The following STAB2 variants were observed in gnomAD, a reference collection of about 807,000 sequenced individuals.
STAB2 encodes stabilin 2, also known as stabilin-2.
A neutral mutation model predicts 338.1 loss-of-function variants in STAB2; 288 were observed. The ratio of observed to expected loss-of-function variants is 0.85; its 90% confidence interval spans 0.77 to 0.94. The LOEUF (loss-of-function observed/expected upper bound fraction) is 0.94, where lower values mean the gene tolerates loss of function less well. STAB2 is among the 40% of genes least tolerant of loss of function. The probability of loss-of-function intolerance (pLI) is 0.00; values close to 1 mark genes in which losing one functional copy is unlikely to be tolerated. For missense variants in STAB2, 3,141 were observed against 3,210.1 expected, an observed-to-expected ratio of 0.98 and a Z score of 0.52; for synonymous variants, 1,202 against 1,193.3, an observed-to-expected ratio of 1.01 and a Z score of -0.15.
At chr12:103,601,484 C>T (rs559242398) in intron 3 of STAB2, among the ~76,000 whole-genome samples, 3 of 152,198 alleles carry the variant, frequency 2.0e-5, no homozygotes, top group South Asian at 4.2e-4. Context: ...CCAAGCTACT[C>T]GGGAGGCTGA....
chr12:103,735,378 T>C (rs1464296349), intron 51 of STAB2, 113 bp from the exon 52 acceptor site: 3 of 603,836 alleles, frequency 5.0e-6, no homozygotes, highest in Non-Finnish European at 8.5e-6. Flanking sequence ...CTAAAGTTAT[T>C]ATAACTCGTG....
rs759722902 is a variant in STAB2, at chr12:103,648,707, G to T, written c.1058G>T (p.Gly353Val). The change falls in exon 10 of 69, where the codon GGT becomes GTT. Residue 353 changes from glycine (G) to valine (V), a missense_variant. Transcript: ENST00000388887. ...PGRTECICQK[G>V]YVGDGLTCYG... ...CTCTGTAGATGCATTTGCCAGAAAG[G>T]TTACGTGGGTGATGGCTTAACGTGT... is the stretch of plus-strand genomic sequence containing the variant. The T allele has an allele frequency of 3.1e-6, 5 of 1,613,932 alleles. No homozygotes were observed. The highest frequency in any genetic ancestry group is 1.3e-5 in the African/African-American group (1 of 74,920).
chr12:103,753,000 C>G (rs1593338843), intron 60 of STAB2, among the ~76,000 whole-genome samples: 1 of 152,288 alleles, frequency 6.6e-6, no homozygotes, highest in East Asian at 1.9e-4. Flanking sequence ...TTTTACTTTT[C>G]TGTATTGCCC....
intron 61 of STAB2, chr12:103,755,095 G>A: frequency 1.7e-6 from 1 of 605,148 alleles, no homozygotes; most frequent in Non-Finnish European, 2.9e-6. Flanking sequence ...GCACCTACAA[G>A]AAAGAGAGGA....
In STAB2 at chr12:103,737,891, CTA is replaced by C. The variant is rs1236604799; in HGVS notation, c.5697+112_5697+113del. 2.8e-6 allele frequency: 4 copies of C among 1,411,882 alleles called. No individual in the cohort carries two copies. The Admixed American group carries it at 1.0e-4, about 36-fold the overall frequency. The allele number at this position is 1,411,882 out of a possible 1,614,324, so 87.5% of individuals were successfully genotyped here. ...CATTAAGGGCCTGTCCTCAGCAAGA[CTA>C]GGACCCAGAAGACCTGAGGGCCAAA... On this transcript the variant is annotated intron_variant, in intron 53 of 68. Coordinates refer to ENST00000388887, the MANE Select transcript of STAB2 (RefSeq NM_017564.10).
chr12:103,613,045 G>C (rs761122641), intron 3 of STAB2, among the ~76,000 whole-genome samples: 11 of 152,204 alleles, frequency 7.2e-5, no homozygotes, highest in Non-Finnish European at 1.2e-4. Flanking sequence ...TGTTCCTCTA[G>C]AAGTTTTGTC....
Position 103,737,631 on chromosome 12 carries a change from T to C in STAB2, c.5551-3T>C, listed in dbSNP as rs761763500. On this transcript the variant is annotated splice_polypyrimidine_tract_variant and splice_region_variant and intron_variant, in intron 52 of 68. Transcript: ENST00000388887. ...CTTTTTTTTTTTTTTTTTTCTTTCTTAGGGTGACCTCTTTCTGAATGGCCA... is the reference window on the plus strand; with the variant it reads ...CTTTTTTTTTTTTTTTTTTCTTTCTCAGGGTGACCTCTTTCTGAATGGCCA... The C allele has an allele frequency of 7.3e-7, 1 of 1,362,078 alleles. No individual in the cohort carries two copies. The highest frequency in any genetic ancestry group is 1.2e-5 in the South Asian group (1 of 81,722). The allele number at this position is 1,362,078 out of a possible 1,614,324, so 84.4% of individuals were successfully genotyped here.
chr12:103,748,914 A>C (rs1482663546), intron 58 of STAB2, 49 bp from the exon 59 acceptor site: 1 of 1,574,438 alleles, frequency 6.4e-7, no homozygotes, highest in African/African-American at 1.3e-5. Context: ...CTGAAGCCCT[A>C]GTTCCACAGA....
intron 23 of STAB2, among the ~76,000 whole-genome samples, chr12:103,674,691 C>T (rs942843054): frequency 6.6e-6 from 1 of 152,206 alleles, no homozygotes; most frequent in Non-Finnish European, 1.5e-5. Flanking sequence ...AGGAAATTTA[C>T]CTCTCTGGAA....
intron 35 of STAB2, among the ~76,000 whole-genome samples, chr12:103,703,622 G>A (rs1348059382): frequency 1.3e-5 from 2 of 152,156 alleles, no homozygotes; most frequent in African/African-American, 4.8e-5. Flanking sequence ...GCCATATCTA[G>A]GACAGGCACA....
chr12:103,755,291 T>C lies in STAB2; in HGVS notation c.6715-11T>C, dbSNP rs762772510. The C allele has an allele frequency of 1.4e-5, 22 of 1,613,312 alleles. No homozygotes were observed. Among genetic ancestry groups the C allele is most frequent in the Non-Finnish European group, 1.8e-5 (21 of 1,179,814 alleles). ...TGCAGCTGACCCATGGCCCTGTCTGTATCCCTGCAGGCCAAGTACCACCTG... is the reference window on the plus strand; with the variant it reads ...TGCAGCTGACCCATGGCCCTGTCTGCATCCCTGCAGGCCAAGTACCACCTG... On this transcript the variant is annotated splice_polypyrimidine_tract_variant and intron_variant, in intron 61 of 68. Coordinates refer to ENST00000388887, the MANE Select transcript of STAB2 (RefSeq NM_017564.10).
intron 27 of STAB2, among the ~76,000 whole-genome samples, chr12:103,686,592 C>A (rs1016934202): frequency 6.6e-6 from 1 of 152,098 alleles, no homozygotes; most frequent in African/African-American, 2.4e-5. Context: ...GCAGCCTTGA[C>A]CTCCCCAGGT....
At chr12:103,702,957 AT>A (rs1298103017) in intron 34 of STAB2, among the ~76,000 whole-genome samples, 190 bp from the exon 35 acceptor site, 1 of 152,248 alleles carries the variant, frequency 6.6e-6, no homozygotes, top group African/African-American at 2.4e-5. Context: ...ACACAGCTAG[AT>A]GGCGCCAGGA....
intron 16 of STAB2, 108 bp from the exon 17 acceptor site, chr12:103,660,575 T>C (rs1874523367): frequency 2.2e-6 from 3 of 1,368,546 alleles, no homozygotes; most frequent in Non-Finnish European, 3.1e-6. Context: ...CAAAACTCCC[T>C]TTACTTATTT....
intron 55 of STAB2, among the ~76,000 whole-genome samples, 184 bp downstream of exon 55, chr12:103,740,940 G>A (rs1174802255): frequency 6.6e-6 from 1 of 152,018 alleles, no homozygotes; most frequent in East Asian, 1.9e-4. Context: ...TTTTTTTATC[G>A]AGTTGAGATC....
chr12:103,679,268 T>A (rs1876678215), intron 25 of STAB2, among the ~76,000 whole-genome samples: 2 of 152,100 alleles, frequency 1.3e-5, no homozygotes, highest in East Asian at 3.9e-4. Context: ...CTCGGGAGGC[T>A]GAGGCAGGAG....
chr12:103,662,902 T>A lies in STAB2; in HGVS notation c.1926T>A (p.Asn642Lys), dbSNP rs1479100961. The A allele has an allele frequency of 6.2e-7, 1 of 1,614,160 alleles. No homozygotes were observed. Residue 642 changes from asparagine to lysine, a missense_variant, in exon 18 of 69, where the codon AAT (asparagine) becomes AAA (lysine). Transcript: ENST00000388887. ...AMEEIEITAK[N>K]GRIYTLTGVL... ...AAGAAATTGAGATCACTGCCAAAAATGGCCGAATTTACACACTGACAGGAG... is the reference window on the plus strand; with the variant it reads ...AAGAAATTGAGATCACTGCCAAAAAAGGCCGAATTTACACACTGACAGGAG...
intron 66 of STAB2, among the ~76,000 whole-genome samples, chr12:103,762,016 T>A (rs1162537454): frequency 6.6e-6 from 1 of 152,152 alleles, no homozygotes; most frequent in Non-Finnish European, 1.5e-5. Context: ...CTGTGTGATA[T>A]CGGGCAAGTG....
chr12:103,673,338 CTT>C (rs754202508), intron 22 of STAB2, among the ~76,000 whole-genome samples: 1 of 146,206 alleles, frequency 6.8e-6, no homozygotes, highest in African/African-American at 2.5e-5. Flanking sequence ...GTTCTTTTTT[CTT>C]TTTTTTTTTA....
Sources: allele counts gnomAD v4.1 joint callset (sites outside exome capture counted in the v4.1 genomes callset), GRCh38; gene constraint gnomAD v4.1.1; transcripts MANE v1.5; gene names NCBI Gene and HGNC (gene_info 2026-07-23, HGNC 2026-07-21).